Variants in LEF1 observed in about 807,000 individuals in gnomAD.
The protein encoded by LEF1 is lymphoid enhancer binding factor 1.
LEF1 carries 14 observed loss-of-function variants against 51.2 expected under a neutral mutation model. That is an observed-to-expected ratio of 0.27 (90% CI 0.18 to 0.43). The LOEUF (loss-of-function observed/expected upper bound fraction) is 0.43. LEF1 is among the 20% of genes least tolerant of loss of function. LEF1 has a pLI of 1.00. For synonymous variants in LEF1, 185 were observed against 183.2 expected (o/e 1.01, Z -0.08); for missense variants, 386 against 512.0 (o/e 0.75, Z 2.37).
At chr4:108,082,822 G>GA (rs1277163820) in intron 5 of LEF1, among the ~76,000 whole-genome samples, 1 of 151,988 alleles carries the variant, frequency 6.6e-6, no homozygotes, top group Non-Finnish European at 1.5e-5. Context: ...TTCATATTCA[G>GA]AAAAAAAGAA....
chr4:108,064,502 C>T, intron 9 of LEF1, 118 bp from the exon 10 acceptor site: 2 of 664,486 alleles, frequency 3.0e-6, no homozygotes, highest in Non-Finnish European at 2.6e-6. Context: ...CATTCTCTCT[C>T]CCTCTTCACC....
intron 3 of LEF1, among the ~76,000 whole-genome samples, chr4:108,141,259 G>C (rs1195558635): frequency 6.6e-6 from 1 of 152,136 alleles, no homozygotes; most frequent in Non-Finnish European, 1.5e-5. Flanking sequence ...AGTTTTGAGG[G>C]TCTGTTCCCT....
At chr4:108,156,142 T>G (rs537396839) in intron 3 of LEF1, among the ~76,000 whole-genome samples, 53 of 152,332 alleles carry the variant, frequency 3.5e-4, no homozygotes, top group African/African-American at 1.2e-3. Context: ...CAAGAATCCT[T>G]CTGAAAAAAG....
chr4:108,127,045 T>TA (rs1742589656), intron 3 of LEF1, among the ~76,000 whole-genome samples: 1 of 151,864 alleles, frequency 6.6e-6, no homozygotes, highest in Non-Finnish European at 1.5e-5. Flanking sequence ...ACTACAGGGG[T>TA]AATTATATGG....
chr4:108,064,521 C>T, intron 9 of LEF1, 137 bp from the exon 10 acceptor site: 1 of 617,696 alleles, frequency 1.6e-6, no homozygotes, highest in Non-Finnish European at 2.8e-6. Flanking sequence ...CCATCTCTAT[C>T]TAGAAACAAA....
At chr4:108,121,551 T>C (rs1202418390) in intron 3 of LEF1, among the ~76,000 whole-genome samples, 1 of 152,096 alleles carries the variant, frequency 6.6e-6, no homozygotes, top group Non-Finnish European at 1.5e-5. Context: ...CATTACAGAG[T>C]TGTCACTTTC....
At chr4:108,149,962 A>C (rs1202179519) in intron 3 of LEF1, among the ~76,000 whole-genome samples, 1 of 151,978 alleles carries the variant, frequency 6.6e-6, no homozygotes, top group African/African-American at 2.4e-5. Flanking sequence ...TAACCAAAAA[A>C]AAAAAAAGAT....
chr4:108,060,710 C>T (rs992338100), intron 11 of LEF1, among the ~76,000 whole-genome samples: 3 of 152,034 alleles, frequency 2.0e-5, no homozygotes, highest in Non-Finnish European at 4.4e-5. Flanking sequence ...AAGTTACTCC[C>T]TAACTTATTT....
intron 11 of LEF1, among the ~76,000 whole-genome samples, chr4:108,063,246 C>T (rs1444289500): frequency 6.6e-6 from 1 of 152,156 alleles, no homozygotes; most frequent in African/African-American, 2.4e-5. Context: ...AAATGGTGCT[C>T]CTCAAACCCA....
chr4:108,100,190 A>G (rs1740721524), intron 3 of LEF1, among the ~76,000 whole-genome samples: 1 of 152,180 alleles, frequency 6.6e-6, no homozygotes, highest in African/African-American at 2.4e-5. Flanking sequence ...CTTAAATGAG[A>G]AAGAAAGCAG....
chr4:108,137,772 A>C (rs1743392400), intron 3 of LEF1, among the ~76,000 whole-genome samples: 1 of 152,188 alleles, frequency 6.6e-6, no homozygotes, highest in South Asian at 2.1e-4. Context: ...TTACCATTCC[A>C]AATGCTAATG....
intron 4 of LEF1, among the ~76,000 whole-genome samples, chr4:108,084,294 G>C (rs1012819530): frequency 4.6e-5 from 7 of 152,074 alleles, no homozygotes; most frequent in East Asian, 1.9e-4. Context: ...ATTCAGAATA[G>C]AAAAAAAGCC....
chr4:108,053,403 C>G (rs1418247846), intron 11 of LEF1, among the ~76,000 whole-genome samples: 24 of 152,158 alleles, frequency 1.6e-4, no homozygotes, highest in Admixed American at 1.6e-3. Flanking sequence ...GCATTCAAGA[C>G]TAGTTAGTTA....
chr4:108,066,774 C>A (rs541554429), intron 9 of LEF1, among the ~76,000 whole-genome samples: 1 of 151,982 alleles, frequency 6.6e-6, no homozygotes, highest in Non-Finnish European at 1.5e-5. Flanking sequence ...TAAAATTATA[C>A]GGACTGTATA....
At chr4:108,109,520 G>A (rs1741387592) in intron 3 of LEF1, among the ~76,000 whole-genome samples, 1 of 152,214 alleles carries the variant, frequency 6.6e-6, no homozygotes, top group Admixed American at 6.5e-5. Context: ...ATTAAGAACA[G>A]AGTGACCCTT....
At chr4:108,104,509 T>C (rs1357324871) in intron 3 of LEF1, among the ~76,000 whole-genome samples, 1 of 148,520 alleles carries the variant, frequency 6.7e-6, no homozygotes, top group African/African-American at 2.5e-5. Flanking sequence ...AATAATAATA[T>C]ACATATTATA....
At chr4:108,125,025 A>C (rs1742435337) in intron 3 of LEF1, among the ~76,000 whole-genome samples, 1 of 152,242 alleles carries the variant, frequency 6.6e-6, no homozygotes, top group African/African-American at 2.4e-5. Flanking sequence ...CTGACTTAGA[A>C]TTCTAACATA....
At chr4:108,079,974 C>T (rs754288937) in intron 6 of LEF1, among the ~76,000 whole-genome samples, 1 of 152,212 alleles carries the variant, frequency 6.6e-6, no homozygotes, top group Non-Finnish European at 1.5e-5. Flanking sequence ...CAAACCATCA[C>T]AATGGGAATT....
chr4:108,167,562 C>G lies in LEF1; in HGVS notation c.206G>C (p.Gly69Ala). The G allele has an allele frequency of 6.2e-7, 1 of 1,614,126 alleles. No individual in the cohort carries two copies. The highest frequency in any genetic ancestry group is 8.5e-7 in the Non-Finnish European group (1 of 1,179,980). ...NESEIIPASNGHEVARQAQTS... is the reference protein window; with the variant it reads ...NESEIIPASNAHEVARQAQTS... ...GGGCAGCGGCCCGCTCACCTCGTGT[C>G]CGTTGCTGGCCGGGATGATTTCAGA... is the stretch of plus-strand genomic sequence containing the variant. Residue 69 changes from glycine (G) to alanine (A), a missense_variant, in exon 1 of 12, where the codon GGA becomes GCA. Coordinates refer to ENST00000265165, the MANE Select transcript of LEF1 (RefSeq NM_016269.5). This position sits in a 1 kb window ranked among gnomAD's most constrained non-coding sequence, Gnocchi z 5.7.
Sources: gnomAD v4.1 joint callset for allele counts (sites outside exome capture counted in the v4.1 genomes callset) on GRCh38, gnomAD v4.1.1 for gene constraint, Gnocchi (gnomAD v3.1) non-coding constraint, MANE v1.5 for transcripts, NCBI Gene and HGNC (gene_info 2026-07-23, HGNC 2026-07-21) for gene names.